The following DNAH11 variants were observed in gnomAD, a reference collection of about 807,000 sequenced individuals.
The protein encoded by DNAH11 is dynein axonemal heavy chain 11.
Under a neutral mutation model 526.0 loss-of-function variants are expected in DNAH11, and 442 were observed. The observed-to-expected ratio is 0.84, with a 90% CI of 0.78 to 0.91. The LOEUF is 0.91. Among genes scored for constraint, DNAH11 ranks in the 40% least tolerant of loss-of-function variants. The pLI, the probability that DNAH11 is intolerant of heterozygous loss-of-function variation, is 0.00. For synonymous variants in DNAH11, 2,461 were observed against 1,935.9 expected (o/e 1.27, Z -7.12); for missense variants, 6,989 against 5,448.7 (o/e 1.28, Z -8.90).
In DNAH11 at chr7:21,898,402, G is replaced by C. The variant is rs141638370; in HGVS notation, c.13050-934G>C. 2.3e-3 allele frequency among the ~76,000 whole-genome samples: 352 copies of C among 152,302 alleles called. 1 individual carries two copies. The highest frequency in any genetic ancestry group is 8.0e-3 in the African/African-American group (332 of 41,570). On this transcript the variant is annotated intron_variant, in intron 79 of 81. Coordinates refer to ENST00000409508, the MANE Select transcript of DNAH11 (RefSeq NM_001277115.2). ...TTCTTCACGGCCCAGAGTCAGGCAAGTATCTCAGGCAGACATGTTCTGCCA... is the reference window on the plus strand; with the variant it reads ...TTCTTCACGGCCCAGAGTCAGGCAACTATCTCAGGCAGACATGTTCTGCCA...
At chr7:21,768,943 T>C (rs1171610042) in intron 55 of DNAH11, among the ~76,000 whole-genome samples, 1 of 152,164 alleles carries the variant, frequency 6.6e-6, no homozygotes, top group Non-Finnish European at 1.5e-5. Flanking sequence ...GGTATACATA[T>C]GTAACTAACC....
intron 31 of DNAH11, among the ~76,000 whole-genome samples, chr7:21,682,744 TGTTTTTTTCTGG>T (rs1165003297): frequency 1.3e-5 from 2 of 152,186 alleles, no homozygotes; most frequent in East Asian, 1.9e-4. Context: ...AGTGTTTCTG[TGTTTTTTTCTGG>T]GTTTTTTTCT....
At chr7:21,701,289 C>CTT (rs61172341) in intron 36 of DNAH11, among the ~76,000 whole-genome samples, 101 of 136,552 alleles carry the variant, frequency 7.4e-4, no homozygotes, top group African/African-American at 2.3e-3. Flanking sequence ...ACACTTTTTA[C>CTT]TTTTTTTTTT....
intron 30 of DNAH11, among the ~76,000 whole-genome samples, chr7:21,663,186 T>A (rs977664963): frequency 6.6e-6 from 1 of 152,136 alleles, no homozygotes; most frequent in Admixed American, 6.6e-5. Flanking sequence ...TAGTAGTCCA[T>A]TGTATATATA....
At chr7:21,637,350 GA>G (rs1489834961) in intron 26 of DNAH11, among the ~76,000 whole-genome samples, 1 of 151,896 alleles carries the variant, frequency 6.6e-6, no homozygotes. Flanking sequence ...ATTTAGAAGA[GA>G]AAAATTCTGT....
intron 1 of DNAH11, among the ~76,000 whole-genome samples, chr7:21,544,774 A>C (rs1162014573): frequency 6.6e-6 from 1 of 152,130 alleles, no homozygotes; most frequent in Non-Finnish European, 1.5e-5. Context: ...CATGCCTTTA[A>C]AAGGTGATAT....
At chr7:21,807,663 T>G (rs1789327669) in intron 62 of DNAH11, among the ~76,000 whole-genome samples, 1 of 152,136 alleles carries the variant, frequency 6.6e-6, no homozygotes, top group East Asian at 1.9e-4. Context: ...CTAATGTCAC[T>G]TTGTGATAAA....
chr7:21,751,771 G>T (rs1168159103), intron 54 of DNAH11, among the ~76,000 whole-genome samples: 1 of 152,200 alleles, frequency 6.6e-6, no homozygotes, highest in African/African-American at 2.4e-5. Flanking sequence ...TTCTAGGTTA[G>T]AAGGTTAGAA....
At chr7:21,652,650 A>T (rs992938324) in intron 28 of DNAH11, among the ~76,000 whole-genome samples, 3 of 152,178 alleles carry the variant, frequency 2.0e-5, no homozygotes, top group African/African-American at 7.2e-5. Flanking sequence ...CCCATTGATC[A>T]TTCAGATTGC....
chr7:21,570,188 A>G lies in DNAH11; in HGVS notation c.1314A>G (p.Arg438=). 1 of 1,613,430 alleles carries G rather than the reference A, an allele frequency of 6.2e-7. No homozygotes were observed. Among genetic ancestry groups the G allele is most frequent in the Non-Finnish European group, 8.5e-7 (1 of 1,179,686 alleles). ...KTFKNSFFNY[R]KKLASYFMGR... Reference sequence around the variant, plus strand: ...TCAAAAACTCCTTTTTCAACTATAGAAAAAAATTGGCAAGCTACTTTATGG... The same window carrying G: ...TCAAAAACTCCTTTTTCAACTATAGGAAAAAATTGGCAAGCTACTTTATGG... Residue 438 remains arginine, a synonymous_variant, in exon 7 of 82, where the codon AGA becomes AGG. Transcript: ENST00000409508.
chr7:21,703,397 A>T (rs1450265383), intron 37 of DNAH11: 1 of 152,428 alleles, frequency 6.6e-6, no homozygotes, highest in Non-Finnish European at 1.5e-5. Flanking sequence ...ACAAAGAACT[A>T]CCTGAGACTG....
At chr7:21,584,571 G>A (rs766429157) in intron 9 of DNAH11, among the ~76,000 whole-genome samples, 7 of 151,950 alleles carry the variant, frequency 4.6e-5, no homozygotes, top group Non-Finnish European at 8.8e-5. Flanking sequence ...AGAACTTAAA[G>A]TATTAAAAAA....
At chr7:21,883,445 G>C (rs1435693328) in intron 75 of DNAH11, among the ~76,000 whole-genome samples, 1 of 152,188 alleles carries the variant, frequency 6.6e-6, no homozygotes, top group Admixed American at 6.5e-5. Context: ...ACAACCCTTA[G>C]AACAGTCATT....
chr7:21,660,400 TG>T (rs1166242024), intron 30 of DNAH11, among the ~76,000 whole-genome samples: 1 of 152,050 alleles, frequency 6.6e-6, no homozygotes, highest in Non-Finnish European at 1.5e-5. Context: ...TATTTTACTC[TG>T]TTTTTTTTCT....
intron 2 of DNAH11, among the ~76,000 whole-genome samples, chr7:21,551,063 G>C (rs550797544): frequency 1.3e-5 from 2 of 152,072 alleles, no homozygotes; most frequent in Non-Finnish European, 2.9e-5. Flanking sequence ...GCATCACACA[G>C]AGCCTGGGGT....
intron 32 of DNAH11, among the ~76,000 whole-genome samples, chr7:21,684,801 T>G (rs997091531): frequency 6.6e-6 from 1 of 152,238 alleles, no homozygotes; most frequent in South Asian, 2.1e-4. Context: ...ATTGCGGAGA[T>G]AAGAATATGT....
chr7:21,726,860 CAAAAA>C (rs1166791175), intron 45 of DNAH11, among the ~76,000 whole-genome samples: 124 of 13,770 alleles, frequency 9.0e-3, no homozygotes, highest in Non-Finnish European at 0.01. Context: ...GACTCTGTCT[CAAAAA>C]AAAAAAAAAA....
intron 65 of DNAH11, among the ~76,000 whole-genome samples, chr7:21,828,034 C>A (rs186253405): frequency 6.6e-6 from 1 of 152,064 alleles, no homozygotes; most frequent in East Asian, 1.9e-4. Flanking sequence ...CTGCAACCTC[C>A]ACCTCCCAAG....
At chr7:21,819,413 A>G (rs1229138189) in intron 65 of DNAH11, among the ~76,000 whole-genome samples, 1 of 152,196 alleles carries the variant, frequency 6.6e-6, no homozygotes, top group East Asian at 1.9e-4. Context: ...TGTTTAATAA[A>G]CCAAAATTTA....
Sources: allele counts gnomAD v4.1 joint callset (sites outside exome capture counted in the v4.1 genomes callset), GRCh38; gene constraint gnomAD v4.1.1; transcripts MANE v1.5; gene names NCBI Gene and HGNC (gene_info 2026-07-23, HGNC 2026-07-21).